Variants in ZNF836 observed in about 807,000 individuals in gnomAD.
The protein encoded by ZNF836 is zinc finger protein 836.
Under a neutral mutation model 7.4 loss-of-function variants are expected in ZNF836, and 12 were observed. That is an observed-to-expected ratio of 1.61 (90% confidence interval 1.03 to 2.61). The LOEUF (loss-of-function observed/expected upper bound fraction) is 2.61, where lower values mean the gene tolerates loss of function less well. Among genes scored for constraint, ZNF836 ranks in the 30% most tolerant of loss-of-function variants. ZNF836 has a pLI of 0.00. For missense variants in ZNF836, 998 were observed against 1,126.2 expected (o/e 0.89, Z 1.63); for synonymous variants, 365 against 382.6 (o/e 0.95, Z 0.54).
At chr19:52,165,656 G>C (rs953001889) in intron 3 of ZNF836, among the ~76,000 whole-genome samples, 2 of 152,174 alleles carry the variant, frequency 1.3e-5, no homozygotes, top group African/African-American at 4.8e-5. Context: ...GCACTTGAAA[G>C]AGTGATCGCT....
chr19:52,155,215 T>C lies in ZNF836; in HGVS notation c.2468A>G (p.Asn823Ser), dbSNP rs1568568488. Residue 823 changes from asparagine to serine, a missense_variant, in exon 5 of 5, where the codon AAT becomes AGT. Physicochemically the swap from Asn to Ser is conservative, Grantham distance 46. Coordinates refer to ENST00000682614, the MANE Select transcript of ZNF836 (RefSeq NM_001102657.3). ...KAFRVRSILV[N>S]HQKMHTGDKP... is the part of the protein sequence containing the mutation. Reference sequence around the variant, plus strand: ...GTCCCCAGTATGCATTTTCTGATGATTAACCAGAATTGAACGCACTCTAAA... The same window carrying C: ...GTCCCCAGTATGCATTTTCTGATGACTAACCAGAATTGAACGCACTCTAAA... 5 of 1,614,238 alleles carry C rather than the reference T, an allele frequency of 3.1e-6. No individual in the cohort carries two copies.
intron 4 of ZNF836, 81 bp downstream of exon 4, chr19:52,160,384 A>G (rs2089202447): frequency 1.3e-6 from 2 of 1,575,956 alleles, no homozygotes; most frequent in Non-Finnish European, 8.7e-7. Flanking sequence ...AAATAATGGA[A>G]GGGCTCCCAA....
At chr19:52,159,759 C>G (rs1291244381) in intron 4 of ZNF836, among the ~76,000 whole-genome samples, 2 of 151,942 alleles carry the variant, frequency 1.3e-5, no homozygotes, top group African/African-American at 2.4e-5. Context: ...TTGGAAGAGG[C>G]AGGGAGGAGG....
At position 52,155,579 on chromosome 19, in the gene ZNF836, C is replaced by G. The variant is rs553510518; in HGVS notation, c.2104G>C (p.Ala702Pro). 2.5e-6 allele frequency: 4 copies of G among 1,613,832 alleles called. No individual in the cohort carries two copies. The highest frequency in any genetic ancestry group is 3.4e-6 in the Non-Finnish European group (4 of 1,179,902). The part of the protein sequence containing the change: ...KPYNCNEFGG[A>P]FIQSSKLARY... ...GCAAGTTTTGAACTTTGGATAAATG[C>G]CCCTCCAAACTCATTACAATTGTAA... The change falls in exon 5 of 5, where the codon GCA (alanine) becomes CCA (proline). Residue 702 changes from alanine to proline, a missense_variant. Transcript: ENST00000682614.
In ZNF836 at chr19:52,156,227, C is replaced by T; in HGVS notation, c.1456G>A (p.Val486Met). 1 of 1,614,100 alleles carries T rather than the reference C, an allele frequency of 6.2e-7. No individual in the cohort carries two copies. The highest frequency in any genetic ancestry group is 8.5e-7 in the Non-Finnish European group (1 of 1,180,000). The change falls in exon 5 of 5, where the codon GTG becomes ATG. Residue 486 changes from valine (V) to methionine (M), a missense_variant. Coordinates refer to ENST00000682614, the MANE Select transcript of ZNF836 (RefSeq NM_001102657.3). ...CCAGTATGAATTCTCCGATGCCCCA[C>T]AAGATGTGAAGTCTGACTGAAGACC... ...GKVFSQTSHL[V>M]GHRRIHTGEK...
chr19:52,156,749 T>G lies in ZNF836; in HGVS notation c.934A>C (p.Ser312Arg). The change falls in exon 5 of 5, where the codon AGT becomes CGT. Residue 312 changes from serine (S) to arginine (R), a missense_variant. Coordinates refer to ENST00000682614, the MANE Select transcript of ZNF836 (RefSeq NM_001102657.3). ...YKCNECGKSF[S>R]QSYNLAIHQR... ...TGTATTGCAAGGTTATAACTTTGAC[T>G]AAAGGACTTGCCACATTCATTACAT... 1 of 1,607,194 alleles carries G rather than the reference T, an allele frequency of 6.2e-7. No individual in the cohort carries two copies. Among genetic ancestry groups the G allele is most frequent in the Non-Finnish European group, 8.5e-7 (1 of 1,175,156 alleles).
intron 2 of ZNF836, 27 bp from the exon 3 acceptor site, chr19:52,168,179 T>C: frequency 6.9e-7 from 1 of 1,452,686 alleles, no homozygotes; most frequent in Non-Finnish European, 9.4e-7. Context: ...TGTTGTTTAA[T>C]GCTTGGAAAC....
chr19:52,159,950 A>G (rs1434509303), intron 4 of ZNF836, among the ~76,000 whole-genome samples: 11 of 152,132 alleles, frequency 7.2e-5, no homozygotes, highest in Non-Finnish European at 1.5e-4. Flanking sequence ...TCGGGAGGCC[A>G]AGGCGGGCAG....
chr19:52,167,193 C>T (rs1439221472), intron 3 of ZNF836, among the ~76,000 whole-genome samples: 1 of 151,636 alleles, frequency 6.6e-6, no homozygotes, highest in Non-Finnish European at 1.5e-5. Context: ...AATGATGGGC[C>T]AGGCACGGTG....
chr19:52,154,957 T>G lies in ZNF836; in HGVS notation c.2726A>C (p.Gln909Pro). 1.9e-6 allele frequency: 3 copies of G among 1,591,894 alleles called. No individual in the cohort carries two copies. Among genetic ancestry groups the G allele is most frequent in the Non-Finnish European group, 1.7e-6 (2 of 1,169,056 alleles). Residue 909 changes from glutamine (Q) to proline (P), a missense_variant, in exon 5 of 5, where the codon CAG becomes CCG. Transcript: ENST00000682614. ...AAGACTCTCTGCAGTATGTTTTGTC[T>G]GATGTTTAGTGAGGCCTGAGCGACT... ...FISRSGLTKH[Q>P]TKHTAESLKT... is the part of the protein sequence containing the mutation.
In ZNF836 at chr19:52,156,606, T is replaced by C; in HGVS notation, c.1077A>G (p.Gln359=). 3 of 1,613,520 alleles carry C rather than the reference T, an allele frequency of 1.9e-6. No individual in the cohort carries two copies. The highest frequency in any genetic ancestry group is 2.5e-6 in the Non-Finnish European group (3 of 1,179,556). ...TGAAGACCTTGCCACATATATCACA[T>C]TGATATGGTTTCTCTCCTGTATGGA... The part of the protein sequence containing the change: ...QIIHTGEKPY[Q]CDICGKVFRQ... Residue 359 remains glutamine, a synonymous_variant, in exon 5 of 5, where the codon CAA becomes CAG. Transcript: ENST00000682614.
chr19:52,164,895 T>C (rs2089249089), intron 3 of ZNF836, among the ~76,000 whole-genome samples: 1 of 152,104 alleles, frequency 6.6e-6, no homozygotes, highest in Non-Finnish European at 1.5e-5. Flanking sequence ...TGAGACCAGC[T>C]TGGTCAACAT....
rs779415678 is a variant in ZNF836 at position 52,156,684 on chromosome 19, A to G, written c.999T>C (p.Asn333=). ...IHTGEKPYKC[N]ECGKTFKQGS... ...CTTGTTTGAAGGTTTTCCCACACTC[A>G]TTACATTTGTAAGGTTTCTCTCCAG... The change falls in exon 5 of 5, where the codon AAT becomes AAC. Residue 333 remains asparagine (N), a synonymous_variant. Coordinates refer to ENST00000682614, the MANE Select transcript of ZNF836 (RefSeq NM_001102657.3). 4 of 1,613,988 alleles carry G rather than the reference A, an allele frequency of 2.5e-6. 1 individual carries two copies. The South Asian group carries it at 3.3e-5, about 13-fold the overall frequency.
At chr19:52,166,630 G>C (rs1383946817) in intron 3 of ZNF836, among the ~76,000 whole-genome samples, 2 of 146,698 alleles carry the variant, frequency 1.4e-5, no homozygotes, top group Non-Finnish European at 3.0e-5. Flanking sequence ...CTGGAGTGCA[G>C]TGGCACGATC....
In ZNF836 at chr19:52,161,109, C is replaced by T. The variant is rs1297350058; in HGVS notation, c.16-518G>A. ...GATAGAGAGATAGAGAGATTTGTTC[C>T]CATGTTACTAGGAGACAACTATGTC... On this transcript the variant is annotated intron_variant, in intron 3 of 4. Coordinates refer to ENST00000682614, the MANE Select transcript of ZNF836 (RefSeq NM_001102657.3). This position sits in a 1 kb window ranked among gnomAD's most constrained non-coding sequence, Gnocchi z 4.1. Among the ~76,000 whole-genome samples, 1 of 152,156 alleles carries T rather than the reference C, an allele frequency of 6.6e-6. No homozygotes were observed. The highest frequency in any genetic ancestry group is 1.5e-5 in the Non-Finnish European group (1 of 68,032).
rs539643159 is a variant in ZNF836 at position 52,156,262 on chromosome 19, T to G, written c.1421A>C (p.Glu474Ala). The G allele has an allele frequency of 9.9e-6, 16 of 1,613,936 alleles. No individual in the cohort carries two copies. The Admixed American group carries it at 2.7e-4, about 27-fold the overall frequency. The change falls in exon 5 of 5, where the codon GAA (glutamate) becomes GCA (alanine). Residue 474 changes from glutamate to alanine, a missense_variant. Coordinates refer to ENST00000682614, the MANE Select transcript of ZNF836 (RefSeq NM_001102657.3). The stretch of plus-strand genomic sequence containing the variant: ...AGTCTGACTGAAGACCTTGCCACAT[T>G]CATTGCATTTGTAAGGTTTCTCTCC... ...HTGEKPYKCN[E>A]CGKVFSQTSH...
rs766536680 is a variant in ZNF836, at chr19:52,156,319, G to C, written c.1364C>G (p.Ser455Ter). 34 of 1,614,038 alleles carry C rather than the reference G, an allele frequency of 2.1e-5. No individual in the cohort carries two copies. Among genetic ancestry groups the C allele is most frequent in the Non-Finnish European group, 6.8e-6 (8 of 1,180,028 alleles). The part of the protein sequence containing the change: ...DVCDKVFSQR[S>*]QLARHQRSHT... Reference sequence around the variant, plus strand: ...ACTTCTCTGGTGCCTTGCAAGTTGTGAACGTTGACTGAAGACCTTGTCGCA... The same window carrying C: ...ACTTCTCTGGTGCCTTGCAAGTTGTCAACGTTGACTGAAGACCTTGTCGCA... Residue 455 changes from serine (S) to a stop codon, truncating the protein, a stop_gained, in exon 5 of 5, where the codon TCA becomes TGA. Coordinates refer to ENST00000682614, the MANE Select transcript of ZNF836 (RefSeq NM_001102657.3). LOFTEE classifies it low-confidence loss of function (END_TRUNC).
intron 3 of ZNF836, chr19:52,165,161 G>A (rs919271): frequency 0.83 from 126,532 of 152,214 alleles, 53,070 homozygotes; most frequent in African/African-American, 0.89. Context: ...AGTATTTTAT[G>A]ATCACTCTGT....
rs1424641050 is a variant in ZNF836 at position 52,157,266 on chromosome 19, A to T, written c.417T>A (p.Asn139Lys). The change falls in exon 5 of 5, where the codon AAT (asparagine) becomes AAA (lysine). Residue 139 changes from asparagine to lysine, a missense_variant. Asn to Lys is a moderately conservative substitution (Grantham distance 94). Coordinates refer to ENST00000682614, the MANE Select transcript of ZNF836 (RefSeq NM_001102657.3). ...QEDVENKCIE[N>K]QLTLSFQSRL... ...GTGACTGAAAGCTTAATGTAAGCTGATTTTCAATACATTTGTTTTCTACAT... is the reference window on the plus strand; with the variant it reads ...GTGACTGAAAGCTTAATGTAAGCTGTTTTTCAATACATTTGTTTTCTACAT... 6.2e-7 allele frequency: 1 copy of T among 1,605,678 alleles called. No homozygotes were observed. Among genetic ancestry groups the T allele is most frequent in the African/African-American group, 1.3e-5 (1 of 74,756 alleles).
Sources: gnomAD v4.1 joint callset for allele counts (sites outside exome capture counted in the v4.1 genomes callset) on GRCh38, gnomAD v4.1.1 for gene constraint, Gnocchi (gnomAD v3.1) non-coding constraint, MANE v1.5 for transcripts, NCBI Gene and HGNC (gene_info 2026-07-23, HGNC 2026-07-21) for gene names.